Variants in MYRIP observed in about 807,000 individuals in gnomAD.
MYRIP encodes the protein myosin VIIA and Rab interacting protein.
A neutral mutation model predicts 98.0 loss-of-function variants in MYRIP; 49 were observed. That is an observed-to-expected ratio of 0.50 (90% CI 0.40 to 0.63). The LOEUF (loss-of-function observed/expected upper bound fraction) is 0.63, where lower values mean the gene tolerates loss of function less well. Ranked by LOEUF, MYRIP falls within the 30% of genes least tolerant of loss-of-function variation. The pLI, the probability that MYRIP is intolerant of heterozygous loss-of-function variation, is 0.00. For synonymous variants in MYRIP, 404 were observed against 409.5 expected (o/e 0.99, Z 0.16); for missense variants, 1,004 against 1,058.2 (o/e 0.95, Z 0.71).
chr3:39,930,200 A>G (rs1208563473), intron 2 of MYRIP, among the ~76,000 whole-genome samples: 1 of 152,054 alleles, frequency 6.6e-6, no homozygotes, highest in Non-Finnish European at 1.5e-5. Context: ...GTTTATTCAC[A>G]TACTCATCAA....
At chr3:40,171,689 T>A (rs541849608) in intron 8 of MYRIP, among the ~76,000 whole-genome samples, 71 of 152,292 alleles carry the variant, frequency 4.7e-4, no homozygotes, top group Admixed American at 2.3e-3. Context: ...TAGTTTCGTG[T>A]CTGTAAAGTG....
intron 3 of MYRIP, among the ~76,000 whole-genome samples, chr3:40,135,826 C>T (rs1253435445): frequency 2.6e-5 from 4 of 152,298 alleles, no homozygotes; most frequent in African/African-American, 9.6e-5. Context: ...TACAGACAAG[C>T]AAATGCTGAG....
chr3:40,130,041 CA>C (rs1449867767), intron 3 of MYRIP, among the ~76,000 whole-genome samples: 5 of 152,144 alleles, frequency 3.3e-5, no homozygotes, highest in African/African-American at 9.7e-5. Context: ...GGAAACAACA[CA>C]ATGATTTTAA....
At chr3:40,150,321 C>T (rs1376572727) in intron 3 of MYRIP, among the ~76,000 whole-genome samples, 1 of 152,120 alleles carries the variant, frequency 6.6e-6, no homozygotes, top group Non-Finnish European at 1.5e-5. Context: ...AAACTCCTGA[C>T]CTCAAGTGAT....
At chr3:39,930,691 T>A (rs2125699536) in intron 2 of MYRIP, among the ~76,000 whole-genome samples, 1 of 152,204 alleles carries the variant, frequency 6.6e-6, no homozygotes, top group African/African-American at 2.4e-5. Flanking sequence ...CATTTTGATT[T>A]AATTTTTGTA....
intron 2 of MYRIP, among the ~76,000 whole-genome samples, chr3:39,942,771 A>G (rs1168107235): frequency 1.3e-5 from 2 of 152,102 alleles, no homozygotes; most frequent in Non-Finnish European, 2.9e-5. Flanking sequence ...GTCTACCTGT[A>G]TATTTGTACC....
At chr3:40,096,163 CCGAG>C (rs1317788505) in intron 3 of MYRIP, among the ~76,000 whole-genome samples, 1 of 151,918 alleles carries the variant, frequency 6.6e-6, no homozygotes, top group Non-Finnish European at 1.5e-5. Context: ...CTAGATATAC[CCGAG>C]ATGGCAGTCA....
chr3:40,047,306 C>A (rs1471696777), intron 3 of MYRIP, among the ~76,000 whole-genome samples: 1 of 152,198 alleles, frequency 6.6e-6, no homozygotes, highest in East Asian at 1.9e-4. Flanking sequence ...CTTAATCTTG[C>A]ATCATGTTCG....
chr3:39,977,664 G>C (rs1403741142), intron 2 of MYRIP, among the ~76,000 whole-genome samples: 1 of 152,100 alleles, frequency 6.6e-6, no homozygotes, highest in Non-Finnish European at 1.5e-5. Flanking sequence ...TGAGAGGGTA[G>C]AACAAACAAG....
chr3:39,977,240 G>T (rs567905229), intron 2 of MYRIP, among the ~76,000 whole-genome samples: 2 of 152,094 alleles, frequency 1.3e-5, no homozygotes, highest in African/African-American at 2.4e-5. Context: ...GTGCATTAAG[G>T]GGGAGTCCAT....
At chr3:39,826,388 T>C (rs1192841036) in intron 1 of MYRIP, among the ~76,000 whole-genome samples, 1 of 152,180 alleles carries the variant, frequency 6.6e-6, no homozygotes, top group Non-Finnish European at 1.5e-5. Flanking sequence ...TAAAATAATT[T>C]TTAAATTTCC....
At chr3:39,890,730 GGCTGGGGAGT>G (rs1943464455) in intron 1 of MYRIP, among the ~76,000 whole-genome samples, 1 of 151,466 alleles carries the variant, frequency 6.6e-6, no homozygotes, top group Non-Finnish European at 1.5e-5. Flanking sequence ...TTTATTTGAG[GGCTGGGGAGT>G]AGTGAAAAGG....
At chr3:40,149,423 T>G (rs1305195737) in intron 3 of MYRIP, among the ~76,000 whole-genome samples, 1 of 152,228 alleles carries the variant, frequency 6.6e-6, no homozygotes, top group Non-Finnish European at 1.5e-5. Flanking sequence ...GATCACATTT[T>G]AACATGAGAT....
intron 2 of MYRIP, among the ~76,000 whole-genome samples, chr3:40,042,779 G>A (rs548391733): frequency 1.2e-4 from 18 of 152,262 alleles, no homozygotes; most frequent in East Asian, 7.7e-4. Flanking sequence ...GTGGGATTGC[G>A]TCCTAGTAAA....
intron 2 of MYRIP, among the ~76,000 whole-genome samples, chr3:39,902,881 C>T (rs185920803): frequency 9.2e-5 from 14 of 152,294 alleles, no homozygotes; most frequent in Admixed American, 8.5e-4. Flanking sequence ...CCGTCTATCT[C>T]ATGAGGACAG....
intron 1 of MYRIP, among the ~76,000 whole-genome samples, chr3:39,867,485 A>AAAT (rs61693469): frequency 0.62 from 94,027 of 151,738 alleles, 29,783 homozygotes; most frequent in African/African-American, 0.76. Context: ...AAAAGCTCAC[A>AAAT]AATCCCATTT....
At position 40,258,320 on chromosome 3, in the gene MYRIP, C is replaced by A; in HGVS notation, c.*154C>A. 2.5e-6 allele frequency: 2 copies of A among 810,524 alleles called. No homozygotes were observed. The highest frequency in any genetic ancestry group is 1.6e-5 in the South Asian group (1 of 62,400). 50.2% of individuals were successfully genotyped at this position (810,524 alleles called of 1,614,324 possible). A position where few individuals can be genotyped will look rare whatever the true frequency, so the allele number is the denominator to read the frequency against. ...ATTGCACAGGGCTGTCCTGATACCTCATCCAGAAAGCCGTCTCAGACTTCA... is the reference window on the plus strand; with the variant it reads ...ATTGCACAGGGCTGTCCTGATACCTAATCCAGAAAGCCGTCTCAGACTTCA... On this transcript the variant is annotated 3_prime_UTR_variant, in exon 17 of 17. Transcript: ENST00000302541.
At chr3:40,011,658 C>T (rs1946762120) in intron 2 of MYRIP, among the ~76,000 whole-genome samples, 1 of 152,210 alleles carries the variant, frequency 6.6e-6, no homozygotes, top group African/African-American at 2.4e-5. Flanking sequence ...AGTTTCTGTC[C>T]TGAATCCTTT....
intron 3 of MYRIP, among the ~76,000 whole-genome samples, chr3:40,056,933 A>G (rs1947897432): frequency 6.6e-6 from 1 of 152,226 alleles, no homozygotes; most frequent in East Asian, 1.9e-4. Flanking sequence ...CATCCCTTGG[A>G]GTTGTTGTGA....
Sources: gnomAD v4.1 joint callset for allele counts (sites outside exome capture counted in the v4.1 genomes callset) on GRCh38, gnomAD v4.1.1 for gene constraint, MANE v1.5 for transcripts, NCBI Gene and HGNC (gene_info 2026-07-23, HGNC 2026-07-21) for gene names.